The following LANCL1 variants were observed in gnomAD, a reference collection of about 807,000 sequenced individuals.
The protein encoded by LANCL1 is LanC like glutathione S-transferase 1.
In LANCL1, 50 loss-of-function variants were observed where a neutral mutation model predicts 50.6. That is an observed-to-expected ratio of 0.99 (90% CI 0.79 to 1.25). LANCL1 has a LOEUF of 1.25. Ranked by LOEUF, LANCL1 falls within the 50% of genes most tolerant of loss-of-function variation. LANCL1 has a pLI of 0.00. For synonymous variants in LANCL1, 188 were observed against 178.6 expected (o/e 1.05, Z -0.42); for missense variants, 532 against 480.7 (o/e 1.11, Z -1.00).
At chr2:210,442,577 T>G (rs1693178255) in intron 4 of LANCL1, 1 of 152,210 alleles carries the variant, frequency 6.6e-6, no homozygotes, top group South Asian at 2.1e-4. Flanking sequence ...ACCTTGTGTC[T>G]CCCTCAAAAT....
chr2:210,454,680 T>G (rs568700378), intron 4 of LANCL1, among the ~76,000 whole-genome samples: 1 of 152,172 alleles, frequency 6.6e-6, no homozygotes, highest in South Asian at 2.1e-4. Context: ...CCACCATAAT[T>G]TATACCAAAA....
In LANCL1 at chr2:210,472,034, C is replaced by A. The variant is rs1185752092; in HGVS notation, c.124G>T (p.Glu42Ter). 1.2e-6 allele frequency: 2 copies of A among 1,614,094 alleles called. No individual in the cohort carries two copies. The highest frequency in any genetic ancestry group is 2.2e-5 in the South Asian group (2 of 91,078). ...CCTCTCTCCATTTGCTGAAGAAGCT[C>A]CCGAATCTTATTGGTCAAGCGTTGT... ...FSQRLTNKIR[E>*]LLQQMERGLK... Residue 42 changes from glutamate to a stop codon, truncating the protein, a stop_gained, in exon 3 of 10, where the codon GAG (glutamate) becomes TAG (stop). Coordinates refer to ENST00000450366, the MANE Select transcript of LANCL1 (RefSeq NM_006055.3). LOFTEE classifies it high-confidence loss of function.
intron 3 of LANCL1, 96 bp from the exon 4 acceptor site, chr2:210,455,410 C>G (rs1240947058): frequency 4.1e-6 from 4 of 972,588 alleles, no homozygotes; most frequent in Admixed American, 2.6e-5. Flanking sequence ...TTTTGATAAC[C>G]TGTAGCAAAT....
chr2:210,460,597 T>C (rs550573818), intron 3 of LANCL1: 2 of 152,358 alleles, frequency 1.3e-5, no homozygotes, highest in East Asian at 1.9e-4. Flanking sequence ...TTGTGCTGAA[T>C]GTTGACCATG....
At chr2:210,467,091 A>C (rs895168525) in intron 3 of LANCL1, among the ~76,000 whole-genome samples, 3 of 152,194 alleles carry the variant, frequency 2.0e-5, no homozygotes, top group African/African-American at 7.2e-5. Flanking sequence ...AGGATGAGGA[A>C]GATATAGAAG....
At chr2:210,440,827 G>A in intron 5 of LANCL1, 83 bp from the exon 6 acceptor site, 1 of 1,268,592 alleles carries the variant, frequency 7.9e-7, no homozygotes, top group Non-Finnish European at 1.1e-6. Context: ...TTGCTAAGAG[G>A]TACTGGGGAA....
chr2:210,475,533 G>C (rs1462780741), intron 2 of LANCL1, among the ~76,000 whole-genome samples: 1 of 152,120 alleles, frequency 6.6e-6, no homozygotes, highest in Non-Finnish European at 1.5e-5. Context: ...AGGTCCTGCT[G>C]TGTTGCACAG....
upstream of LANCL1, chr2:210,476,849 G>C (rs921568150): frequency 1.0e-6 from 1 of 981,844 alleles, no homozygotes; most frequent in Non-Finnish European, 1.2e-6. Context: ...AGACACAGGC[G>C]TGTAATTTCT....
intron 4 of LANCL1, among the ~76,000 whole-genome samples, chr2:210,444,819 C>A (rs548689277): frequency 5.3e-5 from 8 of 152,096 alleles, no homozygotes; most frequent in Admixed American, 1.3e-4. Flanking sequence ...AATTATGGGC[C>A]ATTTTGTTTT....
At chr2:210,441,281 G>T (rs915080606) in intron 5 of LANCL1, 27 bp downstream of exon 5, 1 of 1,601,704 alleles carries the variant, frequency 6.2e-7, no homozygotes, top group Admixed American at 1.7e-5. Flanking sequence ...TCCTAAAAAG[G>T]CTCCTAAAAA....
intron 2 of LANCL1, among the ~76,000 whole-genome samples, chr2:210,475,439 C>A (rs1694329211): frequency 6.6e-6 from 1 of 152,168 alleles, no homozygotes; most frequent in Non-Finnish European, 1.5e-5. Flanking sequence ...TCCAGCAATT[C>A]TCCCGCCTCA....
chr2:210,457,858 A>G (rs1693716230), intron 3 of LANCL1, among the ~76,000 whole-genome samples: 1 of 152,120 alleles, frequency 6.6e-6, no homozygotes, highest in Admixed American at 6.5e-5. Context: ...TGGTTTTCCA[A>G]ATGTATCTTG....
intron 4 of LANCL1, among the ~76,000 whole-genome samples, chr2:210,448,293 T>C (rs529725972): frequency 7.6e-4 from 115 of 152,264 alleles, no homozygotes; most frequent in African/African-American, 2.6e-3. Flanking sequence ...AATAAGTTCT[T>C]TGAAACCAAT....
intron 6 of LANCL1, among the ~76,000 whole-genome samples, chr2:210,438,508 T>C (rs902943885): frequency 1.3e-5 from 2 of 152,220 alleles, no homozygotes; most frequent in South Asian, 2.1e-4. Flanking sequence ...TCAATGCCTA[T>C]GAATGTGAGT....
rs766322027 is a variant in LANCL1 at position 210,476,372 on chromosome 2, G to A, written c.25C>T (p.Pro9Ser). 2.0e-5 allele frequency: 32 copies of A among 1,613,936 alleles called. No individual in the cohort carries two copies. The South Asian group carries it at 3.1e-4, about 16-fold the overall frequency. The change falls in exon 2 of 10, where the codon CCT becomes TCT. Residue 9 changes from proline to serine, a missense_variant. Pro to Ser is a moderately conservative substitution (Grantham distance 74, BLOSUM62 -1). Coordinates refer to ENST00000450366, the MANE Select transcript of LANCL1 (RefSeq NM_006055.3). MAQRAFPNPYADYNKSLAE... is the reference protein window; with the variant it reads MAQRAFPNSYADYNKSLAE... Reference sequence around the variant, plus strand: ...AGGGATTTGTTATAATCAGCATAAGGATTCGGGAAGGCCCTTTGAGCCATG... The same window carrying A: ...AGGGATTTGTTATAATCAGCATAAGAATTCGGGAAGGCCCTTTGAGCCATG...
At chr2:210,471,933 G>A (rs1009862364) in intron 3 of LANCL1, 26 bp downstream of exon 3, 2 of 1,477,584 alleles carry the variant, frequency 1.4e-6, no homozygotes, top group African/African-American at 1.4e-5. Context: ...CAATGCTTAT[G>A]CCAGCTCACA....
At chr2:210,458,269 T>G (rs1693727766) in intron 3 of LANCL1, among the ~76,000 whole-genome samples, 1 of 152,166 alleles carries the variant, frequency 6.6e-6, no homozygotes. Flanking sequence ...TTATTTTAGA[T>G]GTATTGCCAT....
chr2:210,471,850 C>T (rs556129902), intron 3 of LANCL1, 109 bp downstream of exon 3: 3 of 806,578 alleles, frequency 3.7e-6, no homozygotes, highest in Admixed American at 1.8e-5. Flanking sequence ...TACTCATATG[C>T]AGATGCAGGA....
chr2:210,437,873 C>T lies in LANCL1; in HGVS notation c.691-1G>A. 6.3e-7 allele frequency: 1 copy of T among 1,577,776 alleles called. No individual in the cohort carries two copies. The highest frequency in any genetic ancestry group is 8.6e-7 in the Non-Finnish European group (1 of 1,163,900). On this transcript the variant is annotated splice_acceptor_variant, in intron 6 of 9. Transcript: ENST00000450366. LOFTEE classifies it high-confidence loss of function. ...TCCCTTGGCTCACTTGAAGGCTGGG[C>T]TAAAAATGAGAAGGAAATTATTAGT...
Sources: allele counts gnomAD v4.1 joint callset (sites outside exome capture counted in the v4.1 genomes callset), GRCh38; gene constraint gnomAD v4.1.1; transcripts MANE v1.5; gene names NCBI Gene and HGNC (gene_info 2026-07-23, HGNC 2026-07-21).